The following GPC5 variants were observed in gnomAD, a reference collection of about 807,000 sequenced individuals.
GPC5 encodes glypican 5, also known as glypican-5.
Under a neutral mutation model 53.9 loss-of-function variants are expected in GPC5, and 47 were observed. The observed-to-expected ratio is 0.87, with a 90% confidence interval of 0.69 to 1.11. The LOEUF (loss-of-function observed/expected upper bound fraction) is 1.11, where lower values mean the gene tolerates loss of function less well. GPC5 is among the 50% of genes most tolerant of loss of function. GPC5 has a pLI of 0.00. For synonymous variants in GPC5, 286 were observed against 263.3 expected, an observed-to-expected ratio of 1.09 and a Z score of -0.84; for missense variants, 748 against 713.1, an observed-to-expected ratio of 1.05 and a Z score of -0.56.
At position 92,115,305 on chromosome 13, in the gene GPC5, G is replaced by A. The variant is rs1171415676; in HGVS notation, c.1402-29525G>A. On this transcript the variant is annotated intron_variant, in intron 6 of 7. Coordinates refer to ENST00000377067, the MANE Select transcript of GPC5 (RefSeq NM_004466.6). ...GGGTAGATTATGAGGTCAAGAGATC[G>A]AGACCATTCTGGCCAACATGGAGAA... Among the ~76,000 whole-genome samples the A allele has an allele frequency of 6.6e-5, 10 of 152,262 alleles. No individual in the cohort carries two copies. In the East Asian group the frequency reaches 1.5e-3, roughly 24 times the overall value.
rs539060500 is a variant in GPC5 at position 91,712,888 on chromosome 13, A to G, written c.1021-15644A>G. On this transcript the variant is annotated intron_variant, in intron 3 of 7. Transcript: ENST00000377067. ...TTAAATGTAAGAGATGGATGAATAC[A>G]AACAAAAATAAAAAACAAGCGGCCA... 3.1e-4 allele frequency among the ~76,000 whole-genome samples: 47 copies of G among 149,444 alleles called. 1 individual carries two copies. In the South Asian group the frequency reaches 9.6e-3, roughly 30 times the overall value.
chr13:91,884,109 G>T (rs1399576986), intron 5 of GPC5, among the ~76,000 whole-genome samples: 1 of 152,076 alleles, frequency 6.6e-6, no homozygotes, highest in Non-Finnish European at 1.5e-5. Context: ...AACAGATGCT[G>T]GTAATGTGGA....
intron 1 of GPC5, among the ~76,000 whole-genome samples, chr13:91,418,330 G>T (rs1026678443): frequency 2.6e-5 from 4 of 152,130 alleles, no homozygotes; most frequent in African/African-American, 9.7e-5. Context: ...GTGGTGTTTA[G>T]AAATGAATAA....
At position 92,114,333 on chromosome 13, in the gene GPC5, A is replaced by G. The variant is rs529856135; in HGVS notation, c.1402-30497A>G. 1.1e-3 allele frequency among the ~76,000 whole-genome samples: 167 copies of G among 152,280 alleles called. 1 individual carries two copies. Among genetic ancestry groups the G allele is most frequent in the African/African-American group, 2.9e-3 (120 of 41,562 alleles). ...CAGGCACACACACATACTCACATGC[A>G]GAACGTTACTTCAGACCTTCACAGG... is the stretch of plus-strand genomic sequence containing the variant. On this transcript the variant is annotated intron_variant, in intron 6 of 7. Transcript: ENST00000377067.
At chr13:92,718,895 C>CAAAA (rs113129932) in intron 7 of GPC5, among the ~76,000 whole-genome samples, 1 of 102,938 alleles carries the variant, frequency 9.7e-6, no homozygotes, top group South Asian at 2.9e-4. Context: ...CGTCCCCCCA[C>CAAAA]AAAAAAAAAA....
At position 92,866,401 on chromosome 13, in the gene GPC5, C is replaced by A; in HGVS notation, c.1681C>A (p.Leu561Met). The A allele has an allele frequency of 6.2e-7, 1 of 1,611,122 alleles. No individual in the cohort carries two copies. The highest frequency in any genetic ancestry group is 1.7e-5 in the Admixed American group (1 of 59,776). Residue 561 changes from leucine to methionine, a missense_variant, in exon 8 of 8, where the codon CTG becomes ATG. Coordinates refer to ENST00000377067, the MANE Select transcript of GPC5 (RefSeq NM_004466.6). ...GGCGACTGAATCTATGACATTCACTCTGATAAGTGTGGTGATGTTACTTCC... is the reference window on the plus strand; with the variant it reads ...GGCGACTGAATCTATGACATTCACTATGATAAGTGTGGTGATGTTACTTCC... ...AVATESMTFT[L>M]ISVVMLLPGI... is the part of the protein sequence containing the mutation.
At chr13:92,486,938 T>A (rs560120155) in intron 7 of GPC5, among the ~76,000 whole-genome samples, 24 of 151,868 alleles carry the variant, frequency 1.6e-4, no homozygotes, top group Non-Finnish European at 1.8e-4. Flanking sequence ...TCACTGTAAA[T>A]TCTGCCTTCT....
chr13:92,796,443 C>T (rs547415654), intron 7 of GPC5, among the ~76,000 whole-genome samples: 10 of 151,938 alleles, frequency 6.6e-5, no homozygotes, highest in Middle Eastern at 3.4e-3. Context: ...CAAACCAACA[C>T]GGCACATGTA....
intron 7 of GPC5, among the ~76,000 whole-genome samples, chr13:92,321,623 A>G (rs2043216414): frequency 6.6e-6 from 1 of 151,858 alleles, no homozygotes; most frequent in African/African-American, 2.4e-5. Context: ...ATACATACAT[A>G]CATACATACA....
chr13:92,707,550 T>A (rs1018021717), intron 7 of GPC5, among the ~76,000 whole-genome samples: 17 of 152,010 alleles, frequency 1.1e-4, no homozygotes, highest in Middle Eastern at 3.2e-3. Context: ...GGAAAAAGCA[T>A]GTTACTAAGT....
chr13:92,289,620 T>C (rs1432297669), intron 7 of GPC5, among the ~76,000 whole-genome samples: 1 of 151,958 alleles, frequency 6.6e-6, no homozygotes, highest in African/African-American at 2.4e-5. Flanking sequence ...AGGAACTATG[T>C]TAATTGCCTT....
chr13:91,664,651 T>G (rs1594399061), intron 2 of GPC5, among the ~76,000 whole-genome samples: 1 of 152,378 alleles, frequency 6.6e-6, no homozygotes, highest in Admixed American at 6.5e-5. Context: ...TATACATTTT[T>G]TTTGAAACCA....
At chr13:91,524,063 A>T (rs1416326070) in intron 2 of GPC5, among the ~76,000 whole-genome samples, 1 of 152,072 alleles carries the variant, frequency 6.6e-6, no homozygotes, top group East Asian at 1.9e-4. Flanking sequence ...GTCAAGGGAG[A>T]ACTACAAATA....
chr13:92,866,014 G>T lies in GPC5; in HGVS notation c.1562-268G>T, dbSNP rs1027198296. Among the ~76,000 whole-genome samples, 3 of 152,034 alleles carry T rather than the reference G, an allele frequency of 2.0e-5. No individual in the cohort carries two copies. The East Asian group carries it at 5.8e-4, about 29-fold the overall frequency. On this transcript the variant is annotated intron_variant, in intron 7 of 7. Transcript: ENST00000377067. The stretch of plus-strand genomic sequence containing the variant: ...TAAATGTCTTCACTTACTTACCAGT[G>T]GCAGAGAAATGTTCCAAAAATTTTA...
At chr13:92,582,572 C>A (rs1168308952) in intron 7 of GPC5, among the ~76,000 whole-genome samples, 1 of 152,058 alleles carries the variant, frequency 6.6e-6, no homozygotes. Context: ...TACACAGAAT[C>A]TGTAGATTGT....
At position 91,508,570 on chromosome 13, in the gene GPC5, G is replaced by T. The variant is rs1314616553; in HGVS notation, c.325+59648G>T. Among the ~76,000 whole-genome samples the T allele has an allele frequency of 2.0e-5, 3 of 152,236 alleles. No individual in the cohort carries two copies. In the East Asian group the frequency reaches 5.8e-4, roughly 29 times the overall value. ...GCAAGTTTTAACTCAGTAGAAGGAGGACATGAAGTTCTATTTATTAAGTGC... is the reference window on the plus strand; with the variant it reads ...GCAAGTTTTAACTCAGTAGAAGGAGTACATGAAGTTCTATTTATTAAGTGC... On this transcript the variant is annotated intron_variant, in intron 2 of 7. Transcript: ENST00000377067.
At chr13:92,705,469 T>C (rs1341988565) in intron 7 of GPC5, among the ~76,000 whole-genome samples, 1 of 152,102 alleles carries the variant, frequency 6.6e-6, no homozygotes, top group Non-Finnish European at 1.5e-5. Context: ...CATATTGAGA[T>C]ATACTGTAAG....
chr13:92,432,006 T>A (rs1408453230), intron 7 of GPC5, among the ~76,000 whole-genome samples: 1 of 152,210 alleles, frequency 6.6e-6, no homozygotes, highest in Non-Finnish European at 1.5e-5. Flanking sequence ...ACAATGTATA[T>A]GTTAAAGCCC....
chr13:91,862,565 C>T (rs1043158475), intron 5 of GPC5, among the ~76,000 whole-genome samples: 1 of 152,156 alleles, frequency 6.6e-6, no homozygotes, highest in African/African-American at 2.4e-5. Flanking sequence ...TTGAAACACA[C>T]TGCTTTTGTG....
Sources: allele counts gnomAD v4.1 joint callset (sites outside exome capture counted in the v4.1 genomes callset), GRCh38; gene constraint gnomAD v4.1.1; transcripts MANE v1.5; gene names NCBI Gene and HGNC (gene_info 2026-07-23, HGNC 2026-07-21).